The following CNTNAP2 variants were observed in gnomAD, a reference collection of about 807,000 sequenced individuals.
CNTNAP2 encodes contactin-associated protein-like 2.
A neutral mutation model predicts 155.2 loss-of-function variants in CNTNAP2; 98 were observed. That is an observed-to-expected ratio of 0.63 (90% confidence interval 0.54 to 0.75). CNTNAP2 has a LOEUF of 0.75. CNTNAP2 is among the 30% of genes least tolerant of loss of function. CNTNAP2 has a pLI of 0.00. For missense variants in CNTNAP2, 1,727 were observed against 1,688.1 expected, an observed-to-expected ratio of 1.02 and a Z score of -0.40; for synonymous variants, 651 against 631.2, an observed-to-expected ratio of 1.03 and a Z score of -0.47.
At chr7:147,602,801 C>A (rs1800979100) in intron 12 of CNTNAP2, among the ~76,000 whole-genome samples, 1 of 151,904 alleles carries the variant, frequency 6.6e-6, no homozygotes, top group Admixed American at 6.6e-5. Context: ...CATCCATGCC[C>A]CTACAAAGGA....
intron 3 of CNTNAP2, among the ~76,000 whole-genome samples, chr7:146,908,486 G>T (rs1278142173): frequency 7.3e-6 from 1 of 137,366 alleles, no homozygotes; most frequent in South Asian, 2.5e-4. Context: ...TAGAACTCAG[G>T]ATTAAGAATC....
Position 148,415,956 on chromosome 7 carries a change from TTTTCTACG to T in CNTNAP2, c.*344_*351del. 6.3e-6 allele frequency: 2 copies of T among 317,190 alleles called. No individual in the cohort carries two copies. The highest frequency in any genetic ancestry group is 1.2e-5 in the Non-Finnish European group (2 of 173,408). The allele number at this position is 317,190 out of a possible 1,614,324, so 19.6% of individuals were successfully genotyped here. ...TAAAGACCCGTGGTAACAGGGCAAGTTTTCTACGTTTTTAAGAGCCCTTAGAACGTGGG... is the reference window on the plus strand; with the variant it reads ...TAAAGACCCGTGGTAACAGGGCAAGTTTTTTAAGAGCCCTTAGAACGTGGG... On this transcript the variant is annotated 3_prime_UTR_variant, in exon 24 of 24. Transcript: ENST00000361727.
intron 15 of CNTNAP2, among the ~76,000 whole-genome samples, chr7:148,004,073 GAAGTA>G (rs1801936786): frequency 6.6e-6 from 1 of 152,148 alleles, no homozygotes; most frequent in African/African-American, 2.4e-5. Flanking sequence ...GAGGAAATTA[GAAGTA>G]AAGCCAATGA....
intron 15 of CNTNAP2, among the ~76,000 whole-genome samples, chr7:148,023,506 G>C (rs1802320914): frequency 6.6e-6 from 1 of 152,208 alleles, no homozygotes; most frequent in African/African-American, 2.4e-5. Flanking sequence ...ATGTTTGCCT[G>C]AATTGGGAAA....
At chr7:147,371,154 T>C (rs1796332265) in intron 9 of CNTNAP2, among the ~76,000 whole-genome samples, 1 of 152,140 alleles carries the variant, frequency 6.6e-6, no homozygotes, top group African/African-American at 2.4e-5. Context: ...GACATTGATA[T>C]GAAGATTCAT....
At chr7:146,728,304 T>C (rs1278540772) in intron 1 of CNTNAP2, among the ~76,000 whole-genome samples, 2 of 152,088 alleles carry the variant, frequency 1.3e-5, no homozygotes, top group Non-Finnish European at 2.9e-5. Flanking sequence ...TAAGTAGCTG[T>C]AATGAGGGAG....
chr7:147,841,152 A>C (rs918991130), intron 13 of CNTNAP2, among the ~76,000 whole-genome samples: 1 of 152,180 alleles, frequency 6.6e-6, no homozygotes, highest in Non-Finnish European at 1.5e-5. Flanking sequence ...AGACAAAATG[A>C]GTAATTGAGG....
Position 147,703,077 on chromosome 7 carries a change from C to A in CNTNAP2, c.2098+63771C>A, listed in dbSNP as rs954804883. On this transcript the variant is annotated intron_variant, in intron 13 of 23. Transcript: ENST00000361727. ...CCCACACTTGAGGCGCATAGCAAGC[C>A]TGTCCTCTTCAGTTCTGATGACCTG... Among the ~76,000 whole-genome samples the A allele has an allele frequency of 4.6e-5, 7 of 152,314 alleles. No individual in the cohort carries two copies. In the East Asian group the frequency reaches 1.4e-3, roughly 29 times the overall value.
intron 3 of CNTNAP2, among the ~76,000 whole-genome samples, chr7:146,868,673 T>G (rs2129206775): frequency 1.3e-5 from 2 of 152,312 alleles, no homozygotes; most frequent in East Asian, 1.9e-4. Context: ...AATTTGTTTG[T>G]GTCTTCTCTG....
intron 1 of CNTNAP2, among the ~76,000 whole-genome samples, chr7:146,501,814 G>C (rs1045240132): frequency 6.6e-6 from 1 of 152,114 alleles, no homozygotes; most frequent in African/African-American, 2.4e-5. Flanking sequence ...GAGAAAGGCA[G>C]AGGGTGATTT....
At chr7:148,089,280 A>G (rs773276104) in intron 15 of CNTNAP2, among the ~76,000 whole-genome samples, 2 of 152,080 alleles carry the variant, frequency 1.3e-5, no homozygotes, top group Non-Finnish European at 2.9e-5. Context: ...TGTTTATTCA[A>G]CATAGTACTA....
At chr7:146,930,325 A>C (rs918542621) in intron 3 of CNTNAP2, among the ~76,000 whole-genome samples, 3 of 152,106 alleles carry the variant, frequency 2.0e-5, no homozygotes, top group African/African-American at 7.2e-5. Context: ...AGAATTTCAT[A>C]TCCAGCCAAA....
chr7:147,004,823 G>C (rs886739817), intron 3 of CNTNAP2, among the ~76,000 whole-genome samples: 4 of 152,140 alleles, frequency 2.6e-5, no homozygotes, highest in African/African-American at 9.6e-5. Context: ...AGGCTACCTA[G>C]CTAGTTTTGC....
At chr7:147,090,469 A>C (rs1182061720) in intron 4 of CNTNAP2, among the ~76,000 whole-genome samples, 1 of 152,066 alleles carries the variant, frequency 6.6e-6, no homozygotes, top group African/African-American at 2.4e-5. Flanking sequence ...TTTATTTTAC[A>C]CTTGCTCAAG....
chr7:147,312,464 A>G (rs1204490301), intron 9 of CNTNAP2, among the ~76,000 whole-genome samples: 1 of 124,980 alleles, frequency 8.0e-6, no homozygotes, highest in Non-Finnish European at 1.6e-5. Flanking sequence ...TCCTGTGTCC[A>G]TGTGTTCTCA....
At chr7:147,034,625 T>C (rs1039779298) in intron 3 of CNTNAP2, among the ~76,000 whole-genome samples, 1 of 152,154 alleles carries the variant, frequency 6.6e-6, no homozygotes, top group Non-Finnish European at 1.5e-5. Context: ...AAAAATCGGA[T>C]CACATGTGGT....
chr7:146,632,115 A>C (rs369405385), intron 1 of CNTNAP2, among the ~76,000 whole-genome samples: 1 of 152,264 alleles, frequency 6.6e-6, no homozygotes, highest in South Asian at 2.1e-4. Context: ...ATGCGTCTGT[A>C]TGCTTTAGTT....
intron 1 of CNTNAP2, among the ~76,000 whole-genome samples, chr7:146,376,030 C>A (rs1795298742): frequency 6.6e-6 from 1 of 152,152 alleles, no homozygotes; most frequent in Admixed American, 6.5e-5. Context: ...ATAACTGCCA[C>A]CAAATTGACA....
intron 1 of CNTNAP2, among the ~76,000 whole-genome samples, chr7:146,330,349 T>C (rs759404193): frequency 6.6e-6 from 1 of 152,158 alleles, no homozygotes; most frequent in Non-Finnish European, 1.5e-5. Context: ...TCACCAGTAA[T>C]ATGACAAGCA....
Sources: allele counts gnomAD v4.1 joint callset (sites outside exome capture counted in the v4.1 genomes callset), GRCh38; gene constraint gnomAD v4.1.1; transcripts MANE v1.5; gene names NCBI Gene and HGNC (gene_info 2026-07-23, HGNC 2026-07-21).